MAPK4: variants seen among roughly 807,000 people sequenced by gnomAD.
MAPK4 encodes mitogen-activated protein kinase 4.
Under a neutral mutation model 47.7 loss-of-function variants are expected in MAPK4, and 22 were observed. That is an observed-to-expected ratio of 0.46 (90% CI 0.33 to 0.66). MAPK4 has a LOEUF of 0.66. Among genes scored for constraint, MAPK4 ranks in the 30% least tolerant of loss-of-function variants. The probability of loss-of-function intolerance (pLI) is 0.02; values close to 1 mark genes in which losing one functional copy is unlikely to be tolerated. For synonymous variants in MAPK4, 390 were observed against 365.7 expected (o/e 1.07, Z -0.76); for missense variants, 736 against 831.7 (o/e 0.88, Z 1.42).
At chr18:50,705,160 A>T in intron 2 of MAPK4, 1 of 177,690 alleles carries the variant, frequency 5.6e-6, no homozygotes, top group Non-Finnish European at 1.2e-5. Context: ...TCTACATGGC[A>T]ATGAAACTTC....
chr18:50,650,056 G>T (rs1167726142), intron 1 of MAPK4, among the ~76,000 whole-genome samples: 1 of 152,228 alleles, frequency 6.6e-6, no homozygotes, highest in East Asian at 1.9e-4. Flanking sequence ...TGGACTCCCA[G>T]TGCCTGGAAG....
chr18:50,731,463 C>T lies in MAPK4; in HGVS notation c.*1609C>T, dbSNP rs747641979. ...TGCGTTCACCCTCACATCACAGCAC[C>T]TTAAATCTAATCAGCAAACTATAAT... On this transcript the variant is annotated 3_prime_UTR_variant, in exon 6 of 6. Transcript: ENST00000400384. 5 of 152,312 alleles carry T rather than the reference C, an allele frequency of 3.3e-5. No individual in the cohort carries two copies. Among genetic ancestry groups the T allele is most frequent in the Admixed American group, 6.5e-5 (1 of 15,276 alleles). The allele number at this position is 152,312 out of a possible 1,614,324, so 9.4% of individuals were successfully genotyped here. A position where few individuals can be genotyped will look rare whatever the true frequency, so the allele number is the denominator to read the frequency against.
At chr18:50,671,195 T>C (rs1907930212) in intron 2 of MAPK4, among the ~76,000 whole-genome samples, 1 of 152,186 alleles carries the variant, frequency 6.6e-6, no homozygotes, top group Admixed American at 6.5e-5. Context: ...ATGATGACTT[T>C]GGAGGGCCTC....
chr18:50,727,685 GCTGC>G (rs775332729), intron 5 of MAPK4, among the ~76,000 whole-genome samples: 36 of 152,094 alleles, frequency 2.4e-4, no homozygotes, highest in Non-Finnish European at 3.4e-4. Context: ...AGGATTTGTT[GCTGC>G]CTGTCCACCC....
intron 1 of MAPK4, 41 bp from the exon 2 acceptor site, chr18:50,663,048 G>A (rs1210246075): frequency 2.6e-5 from 4 of 152,286 alleles, no homozygotes; most frequent in African/African-American, 9.6e-5. Context: ...GGTGTTGGAA[G>A]CCGGAGTGTG....
chr18:50,576,344 G>A (rs1271447357), intron 1 of MAPK4, among the ~76,000 whole-genome samples: 2 of 152,174 alleles, frequency 1.3e-5, no homozygotes, highest in South Asian at 2.1e-4. Flanking sequence ...TTGCAGCAAC[G>A]TGGATGGAGC....
At chr18:50,632,106 G>T (rs577897151) in intron 1 of MAPK4, among the ~76,000 whole-genome samples, 11 of 152,026 alleles carry the variant, frequency 7.2e-5, no homozygotes, top group African/African-American at 2.7e-4. Flanking sequence ...CTTCCAAATG[G>T]GGCCCCAGAG....
chr18:50,563,518 C>G (rs2042171987), intron 1 of MAPK4, among the ~76,000 whole-genome samples: 1 of 152,192 alleles, frequency 6.6e-6, no homozygotes. Context: ...TGTCAAGGAC[C>G]TTTGTCTCCT....
chr18:50,564,772 C>T (rs2042184259), intron 1 of MAPK4, among the ~76,000 whole-genome samples: 1 of 152,134 alleles, frequency 6.6e-6, no homozygotes. Context: ...CTGTGGGTAG[C>T]AGAACCGCCA....
intron 2 of MAPK4, among the ~76,000 whole-genome samples, chr18:50,685,474 C>T (rs766060103): frequency 9.2e-5 from 14 of 152,242 alleles, no homozygotes; most frequent in Non-Finnish European, 1.8e-4. Context: ...GCCCAATGGA[C>T]ACATCTGCTT....
intron 1 of MAPK4, among the ~76,000 whole-genome samples, chr18:50,626,876 T>G (rs553399984): frequency 1.8e-4 from 27 of 152,190 alleles, no homozygotes; most frequent in Non-Finnish European, 3.5e-4. Flanking sequence ...TATGCAGGTG[T>G]ACTTTGTCAA....
intron 1 of MAPK4, among the ~76,000 whole-genome samples, chr18:50,564,927 G>A (rs751132675): frequency 1.3e-5 from 2 of 152,224 alleles, no homozygotes; most frequent in South Asian, 2.1e-4. Flanking sequence ...ACGACAAAAC[G>A]ATAAGGGGAG....
At chr18:50,582,554 G>A (rs2042355157) in intron 1 of MAPK4, among the ~76,000 whole-genome samples, 2 of 152,264 alleles carry the variant, frequency 1.3e-5, no homozygotes, top group African/African-American at 4.8e-5. Context: ...GCACCTAGAA[G>A]TTTTTTAGCA....
At chr18:50,724,103 G>A (rs1911072840) in intron 4 of MAPK4, among the ~76,000 whole-genome samples, 1 of 151,960 alleles carries the variant, frequency 6.6e-6, no homozygotes, top group Non-Finnish European at 1.5e-5. Flanking sequence ...CCTCAGCCTC[G>A]AGGGCTCAAG....
chr18:50,638,927 G>A (rs1214234525), intron 1 of MAPK4, among the ~76,000 whole-genome samples: 1 of 152,154 alleles, frequency 6.6e-6, no homozygotes, highest in Non-Finnish European at 1.5e-5. Flanking sequence ...CCTGCCCAAG[G>A]TGCTATGCTA....
At chr18:50,635,924 C>T (rs981123703) in intron 1 of MAPK4, among the ~76,000 whole-genome samples, 4 of 152,212 alleles carry the variant, frequency 2.6e-5, no homozygotes, top group Non-Finnish European at 4.4e-5. Context: ...ATGGTGTGGT[C>T]CACTAGGCCT....
At chr18:50,655,420 C>G (rs931619725) in intron 1 of MAPK4, among the ~76,000 whole-genome samples, 17 of 151,650 alleles carry the variant, frequency 1.1e-4, no homozygotes, top group African/African-American at 4.2e-4. Context: ...GGCATAGGGA[C>G]TGTAGCCCAA....
At chr18:50,643,488 G>A (rs527506457) in intron 1 of MAPK4, among the ~76,000 whole-genome samples, 22 of 152,332 alleles carry the variant, frequency 1.4e-4, no homozygotes, top group South Asian at 4.1e-4. Context: ...GCGCCACTGC[G>A]CTCCAGCTTG....
At chr18:50,614,283 T>C (rs2042664943) in intron 1 of MAPK4, among the ~76,000 whole-genome samples, 1 of 152,090 alleles carries the variant, frequency 6.6e-6, no homozygotes, top group Non-Finnish European at 1.5e-5. Flanking sequence ...ATTAAATGTG[T>C]GTCAAATTTG....
Sources: gnomAD v4.1 joint callset for allele counts (sites outside exome capture counted in the v4.1 genomes callset) on GRCh38, gnomAD v4.1.1 for gene constraint, MANE v1.5 for transcripts, NCBI Gene and HGNC (gene_info 2026-07-23, HGNC 2026-07-21) for gene names.